DLG2: variants seen among roughly 807,000 people sequenced by gnomAD.
DLG2 encodes disks large homolog 2.
Under a neutral mutation model 132.5 loss-of-function variants are expected in DLG2, and 45 were observed. The ratio of observed to expected loss-of-function variants is 0.34; its 90% CI spans 0.27 to 0.44. DLG2 has a LOEUF of 0.44. Among genes scored for constraint, DLG2 ranks in the 20% least tolerant of loss-of-function variants. DLG2 has a pLI of 1.00. For synonymous variants in DLG2, 424 were observed against 419.6 expected (o/e 1.01, Z -0.13); for missense variants, 1,045 against 1,196.9 (o/e 0.87, Z 1.87).
chr11:84,549,667 G>T (rs1031685286), intron 6 of DLG2, among the ~76,000 whole-genome samples: 3 of 152,144 alleles, frequency 2.0e-5, no homozygotes, highest in Non-Finnish European at 4.4e-5. Flanking sequence ...ATAGGAAATT[G>T]ATGAGATAAT....
At chr11:84,837,888 T>C (rs957583246) in intron 6 of DLG2, among the ~76,000 whole-genome samples, 8 of 151,736 alleles carry the variant, frequency 5.3e-5, no homozygotes, top group Non-Finnish European at 1.0e-4. Flanking sequence ...GCAAATAACC[T>C]GGGAGCTTGT....
At chr11:85,012,726 C>G (rs945160049) in intron 6 of DLG2, among the ~76,000 whole-genome samples, 8 of 152,120 alleles carry the variant, frequency 5.3e-5, no homozygotes, top group African/African-American at 1.9e-4. Context: ...GAAGGATATT[C>G]TGATTAATAT....
In DLG2 at chr11:83,458,621, T is replaced by C. The variant is rs1044528190; in HGVS notation, c.*1197A>G. ...TAAAACAAAAAGGTACTAATCCTAA[T>C]TACTCATTGTTGGCCAAAATGCTAA... On this transcript the variant is annotated 3_prime_UTR_variant, in exon 28 of 28. Transcript: ENST00000376104. 4.6e-4 allele frequency: 70 copies of C among 152,422 alleles called. No individual in the cohort carries two copies. The highest frequency in any genetic ancestry group is 3.9e-4 in the East Asian group (2 of 5,188). 9.4% of individuals were successfully genotyped at this position (152,422 alleles called of 1,614,324 possible).
At chr11:84,908,156 G>C (rs542672572) in intron 6 of DLG2, among the ~76,000 whole-genome samples, 32 of 151,760 alleles carry the variant, frequency 2.1e-4, no homozygotes, top group Non-Finnish European at 4.1e-4. Context: ...CCACAAATGA[G>C]AGCCATATAT....
chr11:83,459,891 T>C lies in DLG2; in HGVS notation c.2855A>G (p.Tyr952Cys). 6.2e-7 allele frequency: 1 copy of C among 1,608,160 alleles called. No individual in the cohort carries two copies. The highest frequency in any genetic ancestry group is 8.5e-7 in the Non-Finnish European group (1 of 1,174,576). The change falls in exon 28 of 28, where the codon TAT becomes TGT. Residue 952 changes from tyrosine to cysteine, a missense_variant. Physicochemically the swap from Tyr to Cys is radical, Grantham distance 194. Transcript: ENST00000376104. ...TTCAATAACAAGCTTGCATTGGTTA[T>C]ATATATCTTCTAAAGTATCTCCTTG... ...IVQGDTLEDI[Y>C]NQCKLVIEEQ...
chr11:85,096,412 G>A (rs1189180118), intron 6 of DLG2, among the ~76,000 whole-genome samples: 3 of 151,644 alleles, frequency 2.0e-5, no homozygotes, highest in Non-Finnish European at 4.4e-5. Context: ...AACAACTCCA[G>A]ACGCGCCACC....
At chr11:84,761,951 T>C (rs2067685655) in intron 6 of DLG2, among the ~76,000 whole-genome samples, 1 of 152,196 alleles carries the variant, frequency 6.6e-6, no homozygotes, top group South Asian at 2.1e-4. Flanking sequence ...TCTTATTCCT[T>C]GGTTTCATTT....
At chr11:85,571,807 G>C (rs1448261513) in intron 3 of DLG2, among the ~76,000 whole-genome samples, 1 of 152,128 alleles carries the variant, frequency 6.6e-6, no homozygotes, top group Non-Finnish European at 1.5e-5. Flanking sequence ...AAATGCTTTT[G>C]ACTAATGTAC....
At chr11:84,167,292 A>T (rs1012526588) in intron 8 of DLG2, among the ~76,000 whole-genome samples, 1 of 152,224 alleles carries the variant, frequency 6.6e-6, no homozygotes, top group African/African-American at 2.4e-5. Context: ...TCCTAGAATC[A>T]TATGGCAGTT....
At chr11:85,181,517 T>A (rs1207672014) in intron 4 of DLG2, among the ~76,000 whole-genome samples, 1 of 151,752 alleles carries the variant, frequency 6.6e-6, no homozygotes, top group Non-Finnish European at 1.5e-5. Flanking sequence ...AGGTGTCATG[T>A]CATATAATTG....
chr11:83,593,169 T>A (rs369464356), intron 19 of DLG2, among the ~76,000 whole-genome samples: 1 of 140,986 alleles, frequency 7.1e-6, no homozygotes, highest in Non-Finnish European at 1.5e-5. Context: ...ACTATAAATC[T>A]TGCTGCTATA....
chr11:85,515,017 A>G (rs916856071), intron 3 of DLG2, among the ~76,000 whole-genome samples: 1 of 151,976 alleles, frequency 6.6e-6, no homozygotes, highest in Admixed American at 6.6e-5. Flanking sequence ...AGAATCATCT[A>G]TATTTGTGAG....
chr11:84,298,829 C>T (rs2098121892), intron 7 of DLG2, among the ~76,000 whole-genome samples: 1 of 152,114 alleles, frequency 6.6e-6, no homozygotes, highest in African/African-American at 2.4e-5. Flanking sequence ...ATGGTGGCTT[C>T]AGGGAATCAG....
At chr11:83,723,137 T>G (rs1205074398) in intron 18 of DLG2, among the ~76,000 whole-genome samples, 1 of 152,054 alleles carries the variant, frequency 6.6e-6, no homozygotes, top group East Asian at 1.9e-4. Context: ...TCCCAGCACT[T>G]TGGGAGGCCG....
rs569818765 is a variant in DLG2, at chr11:84,079,124, T to A, written c.750-19640A>T. On this transcript the variant is annotated intron_variant, in intron 10 of 27. Coordinates refer to ENST00000376104, the MANE Select transcript of DLG2 (RefSeq NM_001142699.3). ...TATTTGAAGGAATACCACTTCCCTTTGCATCCCATTCCAATTAATCATTAA... is the reference window on the plus strand; with the variant it reads ...TATTTGAAGGAATACCACTTCCCTTAGCATCCCATTCCAATTAATCATTAA... 2.8e-3 allele frequency among the ~76,000 whole-genome samples: 423 copies of A among 152,268 alleles called. 1 individual carries two copies. Among genetic ancestry groups the A allele is most frequent in the Non-Finnish European group, 4.3e-3 (290 of 68,036 alleles).
intron 6 of DLG2, among the ~76,000 whole-genome samples, chr11:85,048,449 G>A (rs1454703393): frequency 6.6e-6 from 1 of 152,072 alleles, no homozygotes; most frequent in South Asian, 2.1e-4. Flanking sequence ...TGACCAGAGA[G>A]AGACCTTAAC....
rs139545509 is a variant in DLG2, at chr11:84,676,188, C to T, written c.358-141457G>A. On this transcript the variant is annotated intron_variant, in intron 6 of 27. Coordinates refer to ENST00000376104, the MANE Select transcript of DLG2 (RefSeq NM_001142699.3). ...ACAAATAATATATATATGAGCTTTACCAAGGAGAATAATTTGATGATGGGT... is the reference window on the plus strand; with the variant it reads ...ACAAATAATATATATATGAGCTTTATCAAGGAGAATAATTTGATGATGGGT... 4.0e-3 allele frequency among the ~76,000 whole-genome samples: 607 copies of T among 151,910 alleles called. 4 individuals carry two copies. The highest frequency in any genetic ancestry group is 0.014 in the African/African-American group (575 of 41,412).
intron 4 of DLG2, among the ~76,000 whole-genome samples, chr11:85,206,837 A>G (rs2081929459): frequency 6.6e-6 from 1 of 152,112 alleles, no homozygotes; most frequent in South Asian, 2.1e-4. Flanking sequence ...CCTTCTAAAA[A>G]TGAAAAAAAG....
chr11:83,938,237 G>C (rs146784298), intron 14 of DLG2, among the ~76,000 whole-genome samples: 1 of 152,146 alleles, frequency 6.6e-6, no homozygotes, highest in Non-Finnish European at 1.5e-5. Context: ...GGGGCTGTGG[G>C]GACAGCAGGA....
Sources: allele counts gnomAD v4.1 joint callset (sites outside exome capture counted in the v4.1 genomes callset), GRCh38; gene constraint gnomAD v4.1.1; transcripts MANE v1.5; gene names NCBI Gene and HGNC (gene_info 2026-07-23, HGNC 2026-07-21).